Variants in ADAMTSL1 observed in about 807,000 individuals in gnomAD.
ADAMTSL1 encodes ADAMTS like 1.
ADAMTSL1 carries 126 observed loss-of-function variants against 201.8 expected under a neutral mutation model. That is an observed-to-expected ratio of 0.62 (90% confidence interval 0.54 to 0.72). ADAMTSL1 has a LOEUF of 0.72. ADAMTSL1 is among the 30% of genes least tolerant of loss of function. The pLI is 0.00. For missense variants in ADAMTSL1, 2,679 were observed against 2,277.8 expected, an observed-to-expected ratio of 1.18 and a Z score of -3.59; for synonymous variants, 1,121 against 903.4, an observed-to-expected ratio of 1.24 and a Z score of -4.32.
rs112479983 is a variant in ADAMTSL1, at chr9:18,747,670, G to A, written c.2007-5628G>A. ...CACAGAATCTGGCTCATTTAAGTAC[G>A]ATATAAATGTTAGTATTACTATTGT... is the stretch of plus-strand genomic sequence containing the variant. On this transcript the variant is annotated intron_variant, in intron 15 of 28. Transcript: ENST00000380548. Among the ~76,000 whole-genome samples the A allele has an allele frequency of 7.6e-3, 1,152 of 152,218 alleles. 13 individuals carry two copies. Among genetic ancestry groups the A allele is most frequent in the African/African-American group, 0.026 (1,099 of 41,546 alleles).
At chr9:18,295,618 A>G (rs1179495869) in intron 2 of ADAMTSL1, among the ~76,000 whole-genome samples, 3 of 152,180 alleles carry the variant, frequency 2.0e-5, no homozygotes, top group African/African-American at 7.2e-5. Context: ...GATTACAGGC[A>G]TGAGCCACGG....
chr9:18,511,576 A>G (rs574784608), intron 2 of ADAMTSL1, among the ~76,000 whole-genome samples: 26 of 152,290 alleles, frequency 1.7e-4, no homozygotes, highest in African/African-American at 6.3e-4. Context: ...TGGTGTCAAC[A>G]TAAATACAGA....
At chr9:18,424,561 A>T (rs963776365) in intron 2 of ADAMTSL1, among the ~76,000 whole-genome samples, 1 of 152,214 alleles carries the variant, frequency 6.6e-6, no homozygotes, top group African/African-American at 2.4e-5. Context: ...TGATAACATA[A>T]ACCCCAAAGT....
At chr9:17,992,806 G>A (rs1205803510) in intron 1 of ADAMTSL1, among the ~76,000 whole-genome samples, 3 of 152,142 alleles carry the variant, frequency 2.0e-5, no homozygotes, top group Non-Finnish European at 4.4e-5. Context: ...AAACTGAGAG[G>A]TCATACAACT....
chr9:18,037,230 G>C lies in ADAMTSL1; in HGVS notation c.88-126632G>C, dbSNP rs187374742. Among the ~76,000 whole-genome samples, 260 of 152,292 alleles carry C rather than the reference G, an allele frequency of 1.7e-3. 3 individuals are homozygous for C. Among genetic ancestry groups the C allele is most frequent in the African/African-American group, 6.1e-3 (254 of 41,566 alleles). ...GCTAAGGGAAAAATAAGAATACAAG[G>C]TGGGACTTGTAGTCCCTTTAATTTG... is the stretch of plus-strand genomic sequence containing the variant. On this transcript the variant is annotated intron_variant, in intron 1 of 29. Coordinates refer to the ADAMTSL1 transcript ENST00000680146.
At chr9:18,566,062 A>G (rs1212791119) in intron 3 of ADAMTSL1, among the ~76,000 whole-genome samples, 1 of 152,218 alleles carries the variant, frequency 6.6e-6, no homozygotes, top group Admixed American at 6.5e-5. Context: ...CAGTCTGCCT[A>G]TTCAGAAACT....
chr9:18,846,326 G>A (rs139989902), intron 23 of ADAMTSL1, among the ~76,000 whole-genome samples: 1 of 152,176 alleles, frequency 6.6e-6, no homozygotes, highest in African/African-American at 2.4e-5. Context: ...GGCCAAGATT[G>A]CTTTGAGAAA....
rs556185415 is a variant in ADAMTSL1, at chr9:18,375,355, A to G, written c.208-129474A>G. Among the ~76,000 whole-genome samples the G allele has an allele frequency of 1.1e-4, 16 of 152,036 alleles. No individual in the cohort carries two copies. The South Asian group carries it at 3.3e-3, about 32-fold the overall frequency. On this transcript the variant is annotated intron_variant, in intron 2 of 29. Coordinates refer to the ADAMTSL1 transcript ENST00000680146. ...CTATTTTTTTTATTTTATTTATTTT[A>G]TATTATACTTTAAGTTCTAGGGTAC...
chr9:18,881,018 C>A (rs1828498274), intron 23 of ADAMTSL1, among the ~76,000 whole-genome samples: 1 of 152,218 alleles, frequency 6.6e-6, no homozygotes, highest in South Asian at 2.1e-4. Flanking sequence ...TTTTCCTCTG[C>A]AGCTTCCTCA....
chr9:18,053,341 T>TTC (rs1000994110), intron 1 of ADAMTSL1, among the ~76,000 whole-genome samples: 6 of 151,798 alleles, frequency 4.0e-5, no homozygotes, highest in Non-Finnish European at 7.4e-5. Context: ...TGCACTTTCA[T>TTC]TCTCTCTCTC....
chr9:18,295,343 C>CT (rs1563866365), intron 2 of ADAMTSL1, among the ~76,000 whole-genome samples: 7 of 147,720 alleles, frequency 4.7e-5, no homozygotes, highest in African/African-American at 1.8e-4. Context: ...AACCGTTATT[C>CT]ATTTTTTTTT....
chr9:18,031,321 GT>G (rs1820945639), intron 1 of ADAMTSL1, among the ~76,000 whole-genome samples: 1 of 152,028 alleles, frequency 6.6e-6, no homozygotes, highest in Non-Finnish European at 1.5e-5. Context: ...GGGGCTTTTT[GT>G]TTTTATATTC....
intron 2 of ADAMTSL1, among the ~76,000 whole-genome samples, chr9:18,262,429 T>A (rs1192411318): frequency 1.3e-5 from 2 of 152,250 alleles, no homozygotes; most frequent in Non-Finnish European, 2.9e-5. Flanking sequence ...TATTTTTAAA[T>A]GTGAATAACT....
intron 23 of ADAMTSL1, among the ~76,000 whole-genome samples, chr9:18,836,628 T>C (rs1235653072): frequency 6.6e-6 from 1 of 152,154 alleles, no homozygotes; most frequent in South Asian, 2.1e-4. Flanking sequence ...TTTCTAATTC[T>C]GTGAAAAATG....
intron 2 of ADAMTSL1, among the ~76,000 whole-genome samples, chr9:18,411,470 A>T (rs879437222): frequency 1.1e-4 from 17 of 152,294 alleles, no homozygotes; most frequent in Admixed American, 9.2e-4. Flanking sequence ...AAGTGCTAGG[A>T]TTATAGGCGT....
chr9:18,271,268 G>T (rs576403573), intron 2 of ADAMTSL1, among the ~76,000 whole-genome samples: 4 of 152,080 alleles, frequency 2.6e-5, no homozygotes, highest in Non-Finnish European at 5.9e-5. Flanking sequence ...TGCCATGTTG[G>T]TGTGCTGCAC....
Position 18,182,755 on chromosome 9 carries a change from G to A in ADAMTSL1, c.207+18774G>A, listed in dbSNP as rs188517025. ...TAATCTTATGAGAAAACTGAGGCAC[G>A]GAGTGATTAACCACCTTATCAAGGT... is the stretch of plus-strand genomic sequence containing the variant. On this transcript the variant is annotated intron_variant, in intron 2 of 29. Coordinates refer to the ADAMTSL1 transcript ENST00000680146. 4.1e-4 allele frequency among the ~76,000 whole-genome samples: 62 copies of A among 152,298 alleles called. 1 individual carries two copies. The highest frequency in any genetic ancestry group is 7.3e-4 in the Non-Finnish European group (50 of 68,030).
At chr9:18,070,757 G>C (rs1198871275) in intron 1 of ADAMTSL1, among the ~76,000 whole-genome samples, 1 of 152,156 alleles carries the variant, frequency 6.6e-6, no homozygotes, top group African/African-American at 2.4e-5. Flanking sequence ...AGCGGGGCTA[G>C]ATAGACAGAA....
At chr9:18,317,476 A>G (rs1216305117) in intron 2 of ADAMTSL1, among the ~76,000 whole-genome samples, 2 of 152,146 alleles carry the variant, frequency 1.3e-5, no homozygotes, top group Non-Finnish European at 2.9e-5. Flanking sequence ...AGCTAATTTG[A>G]TTGTGATAAT....
Sources: gnomAD v4.1 joint callset for allele counts (sites outside exome capture counted in the v4.1 genomes callset) on GRCh38, gnomAD v4.1.1 for gene constraint, MANE v1.5 for transcripts, NCBI Gene and HGNC (gene_info 2026-07-23, HGNC 2026-07-21) for gene names.